The following ATOSA variants were observed in gnomAD, a reference collection of about 807,000 sequenced individuals.
The protein encoded by ATOSA is atos homolog protein A.
chr15:52,646,651 C>A, the ATOSA span, among the ~76,000 whole-genome samples: 2 of 152,124 alleles, frequency 1.3e-5, no homozygotes, highest in African/African-American at 2.4e-5. Context: ...GGGAAAAAAA[C>A]CATGTGACAC....
chr15:52,670,612 T>C, the ATOSA span, among the ~76,000 whole-genome samples: 11 of 152,194 alleles, frequency 7.2e-5, no homozygotes, highest in African/African-American at 2.7e-4. Flanking sequence ...CATTTATTAA[T>C]CCAAGTGAAT....
At chr15:52,639,017 T>C in the ATOSA span, among the ~76,000 whole-genome samples, 1 of 150,564 alleles carries the variant, frequency 6.6e-6, no homozygotes, top group South Asian at 2.1e-4. Flanking sequence ...GAAAGTGACT[T>C]GAAATTGACT....
chr15:52,613,503 T>C, the ATOSA span, among the ~76,000 whole-genome samples: 15 of 152,350 alleles, frequency 9.8e-5, no homozygotes, highest in East Asian at 2.5e-3. Context: ...AGAGCCTCAT[T>C]TGAGAGCCAA....
At chr15:52,592,889 T>C in the ATOSA span, among the ~76,000 whole-genome samples, 3 of 152,262 alleles carry the variant, frequency 2.0e-5, no homozygotes, top group Admixed American at 6.5e-5. Flanking sequence ...GGCTCATGCC[T>C]GTAATCCCAA....
the ATOSA span, chr15:52,652,192 C>G: frequency 1.4e-6 from 1 of 709,666 alleles, no homozygotes; most frequent in East Asian, 3.6e-5. Context: ...CTTTGCTCGT[C>G]TTACAAACTC....
chr15:52,690,030 T>G, the ATOSA span, among the ~76,000 whole-genome samples: 2 of 152,364 alleles, frequency 1.3e-5, no homozygotes, highest in African/African-American at 2.4e-5. Context: ...TTGTGTTCTT[T>G]TTAAGGCTCC....
chr15:52,653,339 G>C, the ATOSA span, among the ~76,000 whole-genome samples: 2 of 152,196 alleles, frequency 1.3e-5, no homozygotes, highest in Non-Finnish European at 2.9e-5. Context: ...TTCTACCCCT[G>C]AAGAAGCTTC....
At chr15:52,627,213 AGAGG>A in the ATOSA span, among the ~76,000 whole-genome samples, 3 of 152,190 alleles carry the variant, frequency 2.0e-5, no homozygotes, top group Non-Finnish European at 4.4e-5. Context: ...AAAATACCTA[AGAGG>A]GAAGGGAAGG....
At chr15:52,622,491 G>A in the ATOSA span, among the ~76,000 whole-genome samples, 4 of 152,124 alleles carry the variant, frequency 2.6e-5, no homozygotes, top group Non-Finnish European at 5.9e-5. Context: ...AGGCACTTTC[G>A]TAGACACTGG....
the ATOSA span, chr15:52,613,834 A>G: frequency 1.2e-6 from 2 of 1,613,656 alleles, no homozygotes; most frequent in Non-Finnish European, 1.7e-6. Context: ...TCTGCATCAT[A>G]TTCAAAATAT....
At chr15:52,678,434 T>G in the ATOSA span, 1 of 183,616 alleles carries the variant, frequency 5.4e-6, no homozygotes. Context: ...ACTAACCCCT[T>G]CGTACAAAAA....
At chr15:52,635,896 T>C in the ATOSA span, among the ~76,000 whole-genome samples, 89 of 151,626 alleles carry the variant, frequency 5.9e-4, no homozygotes, top group Non-Finnish European at 1.1e-3. Context: ...CTTGGGAGGC[T>C]GAGGCAGGAG....
the ATOSA span, among the ~76,000 whole-genome samples, chr15:52,672,018 T>C: frequency 6.6e-6 from 1 of 151,754 alleles, no homozygotes; most frequent in East Asian, 1.9e-4. Flanking sequence ...TGGCATTTTT[T>C]ACCTATTCCA....
At chr15:52,697,470 T>C in the ATOSA span, among the ~76,000 whole-genome samples, 5 of 152,228 alleles carry the variant, frequency 3.3e-5, no homozygotes, top group Admixed American at 3.3e-4. Flanking sequence ...AACAGATGCT[T>C]CATAAATGGC....
chr15:52,652,108 A>C, the ATOSA span: 5 of 1,394,366 alleles, frequency 3.6e-6, no homozygotes, highest in Admixed American at 3.0e-5. Context: ...GATTGGACAG[A>C]GGGTGTGCTC....
the ATOSA span, among the ~76,000 whole-genome samples, chr15:52,594,082 G>A: frequency 6.6e-6 from 1 of 152,136 alleles, no homozygotes; most frequent in East Asian, 1.9e-4. Context: ...TTAAAAATAT[G>A]CTCTATCAGA....
the ATOSA span, chr15:52,590,668 G>A: frequency 1.3e-5 from 2 of 152,120 alleles, no homozygotes; most frequent in African/African-American, 4.8e-5. Context: ...CACATTCTTT[G>A]AAAACAGATT....
chr15:52,610,057 C>G, the ATOSA span: 1 of 1,613,952 alleles, frequency 6.2e-7, no homozygotes, highest in Non-Finnish European at 8.5e-7. Context: ...TGGACTTGGG[C>G]CACTTTTTGC....
the ATOSA span, among the ~76,000 whole-genome samples, chr15:52,639,083 C>CAAAA: frequency 1.3e-4 from 11 of 82,728 alleles, no homozygotes; most frequent in African/African-American, 4.3e-4. Flanking sequence ...GTCCCAAGAG[C>CAAAA]AAAAAAAAAA....
Sources: allele counts gnomAD v4.1 joint callset (sites outside exome capture counted in the v4.1 genomes callset), GRCh38; gene constraint gnomAD v4.1.1; transcripts MANE v1.5; gene names NCBI Gene and HGNC (gene_info 2026-07-23, HGNC 2026-07-21).